MALRD1: variants seen among roughly 807,000 people sequenced by gnomAD.
MALRD1 encodes the protein MAM and LDL-receptor class A domain-containing protein 1.
Under a neutral mutation model 242.1 loss-of-function variants are expected in MALRD1, and 247 were observed. The ratio of observed to expected loss-of-function variants is 1.02; its 90% CI spans 0.92 to 1.13. The LOEUF (loss-of-function observed/expected upper bound fraction) is 1.13, where lower values mean the gene tolerates loss of function less well. MALRD1 is among the 50% of genes most tolerant of loss of function. The pLI is 0.00. For synonymous variants in MALRD1, 995 were observed against 866.6 expected (o/e 1.15, Z -2.60); for missense variants, 2,989 against 2,533.1 (o/e 1.18, Z -3.86).
intron 15 of MALRD1, 84 bp downstream of exon 15, chr10:19,203,964 C>T (rs1836666648): frequency 1.4e-6 from 2 of 1,444,440 alleles, no homozygotes; most frequent in Non-Finnish European, 1.9e-6. Flanking sequence ...TAGTACGGTT[C>T]TGTGATAACT....
chr10:19,224,689 T>A (rs943135577), intron 18 of MALRD1, among the ~76,000 whole-genome samples: 3 of 152,186 alleles, frequency 2.0e-5, no homozygotes, highest in African/African-American at 7.2e-5. Context: ...TGGGGTTGTT[T>A]TTTTCTTGTA....
chr10:19,402,835 CAT>C lies in MALRD1; in HGVS notation c.4845+13227_4845+13228del, dbSNP rs147236408. On this transcript the variant is annotated intron_variant, in intron 28 of 39. Coordinates refer to ENST00000454679, the MANE Select transcript of MALRD1 (RefSeq NM_001142308.3). ...CCATCCTTCCCCCACCAAACACACA[CAT>C]GTAGATTTTGACATAACCAAATCCT... Among the ~76,000 whole-genome samples the C allele has an allele frequency of 6.9e-4, 105 of 152,186 alleles. 3 individuals carry two copies. In the East Asian group the frequency reaches 0.019, roughly 27 times the overall value.
chr10:19,247,460 G>T (rs1240181610), intron 18 of MALRD1, among the ~76,000 whole-genome samples: 2 of 151,796 alleles, frequency 1.3e-5, no homozygotes, highest in South Asian at 4.1e-4. Flanking sequence ...AGACCTTAAG[G>T]TCTGTTTACA....
chr10:19,059,092 TATG>T (rs1192709969), intron 1 of MALRD1, among the ~76,000 whole-genome samples: 1 of 152,164 alleles, frequency 6.6e-6, no homozygotes, highest in Admixed American at 6.5e-5. Context: ...CATTTAATTT[TATG>T]ATATTAGGTT....
intron 34 of MALRD1, among the ~76,000 whole-genome samples, chr10:19,602,000 GAC>G (rs906715164): frequency 1.3e-5 from 2 of 151,706 alleles, no homozygotes; most frequent in African/African-American, 4.8e-5. Context: ...TACATATATA[GAC>G]ACATATTTTT....
chr10:19,292,601 A>G (rs189733277), intron 21 of MALRD1, among the ~76,000 whole-genome samples: 4 of 152,226 alleles, frequency 2.6e-5, no homozygotes, highest in Admixed American at 6.5e-5. Context: ...AAAGCCACAT[A>G]AATAATGCAG....
At chr10:19,097,617 G>C (rs1836089774) in intron 4 of MALRD1, among the ~76,000 whole-genome samples, 1 of 152,280 alleles carries the variant, frequency 6.6e-6, no homozygotes, top group African/African-American at 2.4e-5. Flanking sequence ...ATTAGTACCA[G>C]AGTGACCCCA....
intron 18 of MALRD1, among the ~76,000 whole-genome samples, chr10:19,229,439 A>G (rs1021004268): frequency 1.3e-5 from 2 of 152,134 alleles, no homozygotes; most frequent in Non-Finnish European, 2.9e-5. Context: ...CATTGACAGG[A>G]GAGAAGGCAA....
intron 21 of MALRD1, among the ~76,000 whole-genome samples, chr10:19,293,942 A>G (rs1227289517): frequency 2.6e-5 from 4 of 152,130 alleles, no homozygotes; most frequent in East Asian, 3.9e-4. Context: ...CTTGAGGTAC[A>G]TGGGATTTAA....
At chr10:19,248,940 TTATAA>T (rs1839180302) in intron 18 of MALRD1, among the ~76,000 whole-genome samples, 2 of 147,110 alleles carry the variant, frequency 1.4e-5, no homozygotes, top group African/African-American at 2.5e-5. Flanking sequence ...TATTATATAT[TTATAA>T]TATAAATTAT....
At chr10:19,550,566 G>T (rs1000570444) in intron 32 of MALRD1, among the ~76,000 whole-genome samples, 1 of 152,004 alleles carries the variant, frequency 6.6e-6, no homozygotes, top group African/African-American at 2.4e-5. Context: ...TCGTCATTTA[G>T]CTCCCACTTA....
At chr10:19,672,105 T>TA (rs1841948617) in intron 36 of MALRD1, among the ~76,000 whole-genome samples, 1 of 152,124 alleles carries the variant, frequency 6.6e-6, no homozygotes, top group Admixed American at 6.6e-5. Context: ...ACCCTATTCT[T>TA]ATTCCAGAGA....
chr10:19,731,489 A>G (rs1835294496), intron 39 of MALRD1, among the ~76,000 whole-genome samples: 2 of 146,028 alleles, frequency 1.4e-5, no homozygotes, highest in Non-Finnish European at 1.5e-5. Context: ...CACATAGTTT[A>G]CTTTGTGTGT....
intron 14 of MALRD1, among the ~76,000 whole-genome samples, chr10:19,178,948 C>T (rs1835379696): frequency 6.6e-6 from 1 of 152,168 alleles, no homozygotes; most frequent in African/African-American, 2.4e-5. Flanking sequence ...AGAACAGAGA[C>T]CTCTGCATGA....
At position 19,401,144 on chromosome 10, in the gene MALRD1, T is replaced by C. The variant is rs188720485; in HGVS notation, c.4845+11535T>C. ...CCTGAATTCACCAATTATTGGATAG[T>C]AATTAAGGATATGATATTAATGACA... On this transcript the variant is annotated intron_variant, in intron 28 of 39. Coordinates refer to ENST00000454679, the MANE Select transcript of MALRD1 (RefSeq NM_001142308.3). 2.9e-3 allele frequency among the ~76,000 whole-genome samples: 445 copies of C among 152,256 alleles called. 1 individual carries two copies. Among genetic ancestry groups the C allele is most frequent in the African/African-American group, 0.01 (425 of 41,552 alleles).
intron 38 of MALRD1, among the ~76,000 whole-genome samples, chr10:19,699,136 C>T (rs1388441440): frequency 6.6e-6 from 1 of 151,860 alleles, no homozygotes; most frequent in Non-Finnish European, 1.5e-5. Flanking sequence ...TGCAGCAAAC[C>T]ACCATGGCAC....
At chr10:19,351,564 AAAG>A (rs1179508443) in intron 25 of MALRD1, among the ~76,000 whole-genome samples, 4 of 152,158 alleles carry the variant, frequency 2.6e-5, no homozygotes, top group Non-Finnish European at 5.9e-5. Flanking sequence ...GGAATAAGCA[AAAG>A]AAGAAAATAA....
chr10:19,282,718 C>T (rs1305357884), intron 20 of MALRD1, among the ~76,000 whole-genome samples: 1 of 152,128 alleles, frequency 6.6e-6, no homozygotes, highest in Non-Finnish European at 1.5e-5. Flanking sequence ...AATGAAATTG[C>T]TTAATGGAAG....
chr10:19,482,652 TACACACACACACAC>T (rs144094060), intron 29 of MALRD1, among the ~76,000 whole-genome samples: 27 of 136,434 alleles, frequency 2.0e-4, no homozygotes, highest in Non-Finnish European at 9.4e-5. Flanking sequence ...TTACAATAGC[TACACACACACACAC>T]ACACACACAC....
Sources: allele counts gnomAD v4.1 joint callset (sites outside exome capture counted in the v4.1 genomes callset), GRCh38; gene constraint gnomAD v4.1.1; transcripts MANE v1.5; gene names NCBI Gene and HGNC (gene_info 2026-07-23, HGNC 2026-07-21).